Variants in ELF1 observed in about 807,000 individuals in gnomAD.
The protein encoded by ELF1 is E74 like ETS transcription factor 1.
In ELF1, 24 loss-of-function variants were observed where a neutral mutation model predicts 59.9. That is an observed-to-expected ratio of 0.40 (90% CI 0.29 to 0.56). ELF1 has a LOEUF of 0.56. Among genes scored for constraint, ELF1 ranks in the 20% least tolerant of loss-of-function variants. The probability of loss-of-function intolerance (pLI) is 0.44; values close to 1 mark genes in which losing one functional copy is unlikely to be tolerated. For missense variants in ELF1, 627 were observed against 742.2 expected, an observed-to-expected ratio of 0.84 and a Z score of 1.80; for synonymous variants, 248 against 266.2, an observed-to-expected ratio of 0.93 and a Z score of 0.67.
At chr13:40,980,594 T>C (rs889940494) in intron 2 of ELF1, among the ~76,000 whole-genome samples, 1 of 152,294 alleles carries the variant, frequency 6.6e-6, no homozygotes, top group Admixed American at 6.5e-5. Context: ...CCAAAGAGTG[T>C]CAAATCCACT....
intron 5 of ELF1, 59 bp downstream of exon 5, chr13:40,949,747 G>A (rs563108087): frequency 3.1e-4 from 488 of 1,566,146 alleles, no homozygotes; most frequent in Admixed American, 1.5e-3. Context: ...GAATAAAAGT[G>A]ATATCTAGAT....
intron 1 of ELF1, among the ~76,000 whole-genome samples, chr13:41,025,966 C>T (rs1875882776): frequency 6.6e-6 from 1 of 152,196 alleles, no homozygotes; most frequent in South Asian, 2.1e-4. Flanking sequence ...TTTCAAATGG[C>T]AAGGCCAAAA....
intron 1 of ELF1, among the ~76,000 whole-genome samples, chr13:41,027,295 G>A (rs1310037203): frequency 6.6e-6 from 1 of 152,222 alleles, no homozygotes; most frequent in Non-Finnish European, 1.5e-5. Context: ...CTCACCAAAG[G>A]GTGACCTCAG....
At chr13:41,010,074 A>AT (rs1399302292) in intron 1 of ELF1, among the ~76,000 whole-genome samples, 30 of 145,084 alleles carry the variant, frequency 2.1e-4, no homozygotes, top group Admixed American at 9.6e-4. Flanking sequence ...ACTCCCTGGG[A>AT]TTTTTTTTTT....
chr13:41,040,993 G>A (rs1378420066), intron 1 of ELF1, among the ~76,000 whole-genome samples: 1 of 152,164 alleles, frequency 6.6e-6, no homozygotes, highest in African/African-American at 2.4e-5. Flanking sequence ...ACCTATTTTA[G>A]ATAGAGTGAT....
chr13:41,006,803 GAATT>G (rs1160013944), intron 1 of ELF1, among the ~76,000 whole-genome samples: 1 of 151,912 alleles, frequency 6.6e-6, no homozygotes, highest in African/African-American at 2.4e-5. Context: ...ACATTAATTC[GAATT>G]AATTATTCAA....
At chr13:40,998,544 A>G (rs1874242120) in intron 1 of ELF1, among the ~76,000 whole-genome samples, 1 of 152,214 alleles carries the variant, frequency 6.6e-6, no homozygotes, top group Admixed American at 6.5e-5. Flanking sequence ...CCAGTCATTA[A>G]CTGATGTATG....
chr13:40,977,858 G>A (rs1158206446), intron 2 of ELF1, among the ~76,000 whole-genome samples: 1 of 152,220 alleles, frequency 6.6e-6, no homozygotes, highest in East Asian at 1.9e-4. Context: ...ACAGTTCAAC[G>A]AAGGAGAATA....
At chr13:41,037,831 T>C (rs1389941239) in intron 1 of ELF1, among the ~76,000 whole-genome samples, 3 of 151,478 alleles carry the variant, frequency 2.0e-5, no homozygotes, top group African/African-American at 7.3e-5. Flanking sequence ...AAGAAATTAG[T>C]TTGAACATCC....
At position 40,934,044 on chromosome 13, in the gene ELF1, A is replaced by G; in HGVS notation, c.1257-16T>C. On this transcript the variant is annotated splice_polypyrimidine_tract_variant and intron_variant, in intron 8 of 8. Coordinates refer to ENST00000239882, the MANE Select transcript of ELF1 (RefSeq NM_172373.4). ...CTGTATAGTCCTATTGAGATGATGAAATTAAAGTGAGACAATTAGCATATT... is the reference window on the plus strand; with the variant it reads ...CTGTATAGTCCTATTGAGATGATGAGATTAAAGTGAGACAATTAGCATATT... 6.3e-7 allele frequency: 1 copy of G among 1,586,202 alleles called. No homozygotes were observed. The highest frequency in any genetic ancestry group is 8.6e-7 in the Non-Finnish European group (1 of 1,164,146).
At chr13:40,990,725 T>C (rs1463098445) in intron 1 of ELF1, among the ~76,000 whole-genome samples, 2 of 151,434 alleles carry the variant, frequency 1.3e-5, no homozygotes, top group African/African-American at 4.9e-5. Flanking sequence ...CTTGGTGGTG[T>C]GTGCCTGTAG....
At position 41,009,969 on chromosome 13, in the gene ELF1, T is replaced by C. The variant is rs566841942; in HGVS notation, c.-229+9259A>G. ...AGCCTTTGTTTTCCTAGGTCATATT[T>C]ATCAATATATGTTTTTTACTTACAG... On this transcript the variant is annotated intron_variant, in intron 1 of 8. Transcript: ENST00000239882. 4.6e-5 allele frequency among the ~76,000 whole-genome samples: 7 copies of C among 151,916 alleles called. No individual in the cohort carries two copies. In the South Asian group the frequency reaches 1.5e-3, roughly 32 times the overall value.
chr13:40,970,616 C>T lies in ELF1; in HGVS notation c.72+11367G>A, dbSNP rs80332610. Among the ~76,000 whole-genome samples, 526 of 152,254 alleles carry T rather than the reference C, an allele frequency of 3.5e-3. 5 individuals are homozygous for T. Among genetic ancestry groups the T allele is most frequent in the African/African-American group, 0.011 (460 of 41,544 alleles). On this transcript the variant is annotated intron_variant, in intron 2 of 8. Transcript: ENST00000239882. ...AGATGCTGCTTTGGATGTTAATCTT[C>T]GTGCCAAGTATGTTTGGATGTTAAC... is the stretch of plus-strand genomic sequence containing the variant.
chr13:41,031,234 G>A (rs184726495), intron 1 of ELF1, among the ~76,000 whole-genome samples: 1 of 151,840 alleles, frequency 6.6e-6, no homozygotes, highest in Non-Finnish European at 1.5e-5. Context: ...ATTCTATTTT[G>A]TATTACTGTC....
intron 1 of ELF1, among the ~76,000 whole-genome samples, chr13:41,010,279 GA>G (rs199811451): frequency 0.31 from 39,568 of 128,770 alleles, 5,721 homozygotes; most frequent in African/African-American, 0.33. Flanking sequence ...AGAAAGAAAG[GA>G]AAAAAAAAAA....
chr13:41,047,465 G>A (rs958295077), intron 1 of ELF1, among the ~76,000 whole-genome samples: 4 of 152,090 alleles, frequency 2.6e-5, no homozygotes, highest in Non-Finnish European at 4.4e-5. Flanking sequence ...TGGTGTGGAT[G>A]TCCTTTCTGT....
chr13:41,054,915 C>G (rs1233287480), intron 1 of ELF1, among the ~76,000 whole-genome samples: 4 of 152,226 alleles, frequency 2.6e-5, no homozygotes, highest in African/African-American at 9.6e-5. Flanking sequence ...GCTCCAAATC[C>G]AAGAGGCTTC....
chr13:40,995,642 G>A (rs1874090482), intron 1 of ELF1, among the ~76,000 whole-genome samples: 1 of 147,018 alleles, frequency 6.8e-6, no homozygotes, highest in Admixed American at 6.7e-5. Flanking sequence ...AACAGTGGTA[G>A]AAAAACTGGA....
At chr13:40,983,377 C>T (rs946950243) in intron 1 of ELF1, among the ~76,000 whole-genome samples, 2 of 152,126 alleles carry the variant, frequency 1.3e-5, no homozygotes, top group Admixed American at 6.5e-5. Context: ...TCCCTGAAAA[C>T]GTAAATCCAG....
Sources: allele counts gnomAD v4.1 joint callset (sites outside exome capture counted in the v4.1 genomes callset), GRCh38; gene constraint gnomAD v4.1.1; transcripts MANE v1.5; gene names NCBI Gene and HGNC (gene_info 2026-07-23, HGNC 2026-07-21).